ABHD2: variants seen among roughly 807,000 people sequenced by gnomAD.
ABHD2 encodes the protein abhydrolase domain containing 2, acylglycerol lipase.
A neutral mutation model predicts 48.1 loss-of-function variants in ABHD2; 20 were observed. The observed-to-expected ratio is 0.42, with a 90% CI of 0.29 to 0.60. ABHD2 has a LOEUF of 0.60. Among genes scored for constraint, ABHD2 ranks in the 20% least tolerant of loss-of-function variants. ABHD2 has a pLI of 0.24. For synonymous variants in ABHD2, 209 were observed against 214.2 expected (o/e 0.98, Z 0.21); for missense variants, 405 against 550.9 (o/e 0.74, Z 2.65).
chr15:89,152,899 A>G (rs1002741543), intron 4 of ABHD2, among the ~76,000 whole-genome samples: 2 of 152,204 alleles, frequency 1.3e-5, no homozygotes, highest in Non-Finnish European at 2.9e-5. Context: ...ACCAAAAGAG[A>G]ACATGTCTTT....
intron 3 of ABHD2, among the ~76,000 whole-genome samples, chr15:89,122,393 G>T (rs897735409): frequency 2.2e-4 from 33 of 152,188 alleles, no homozygotes; most frequent in African/African-American, 7.7e-4. Flanking sequence ...ATGCCATTCT[G>T]TATCTTGTTT....
chr15:89,058,979 G>T, the ABHD2 span, among the ~76,000 whole-genome samples: 1 of 152,296 alleles, frequency 6.6e-6, no homozygotes, highest in East Asian at 1.9e-4. Flanking sequence ...TGATGGGAAA[G>T]CAGCTCCAGC....
chr15:89,078,086 C>T, the ABHD2 span, among the ~76,000 whole-genome samples: 2 of 152,202 alleles, frequency 1.3e-5, no homozygotes, highest in African/African-American at 4.8e-5. Context: ...TCATCTCTGA[C>T]CCTTCTCTCT....
upstream of ABHD2, among the ~76,000 whole-genome samples, chr15:89,085,209 G>C (rs1305729134): frequency 6.6e-6 from 1 of 151,790 alleles, no homozygotes; most frequent in Admixed American, 6.6e-5. The surrounding 1 kb of genome is among the most constrained non-coding windows in gnomAD (Gnocchi z 4.2). Flanking sequence ...AGGTGACTGG[G>C]GCATACCCTC....
the ABHD2 span, among the ~76,000 whole-genome samples, chr15:89,058,835 C>T: frequency 1.3e-5 from 2 of 151,348 alleles, no homozygotes; most frequent in Non-Finnish European, 3.0e-5. Flanking sequence ...AACAGCAATC[C>T]AACGTTGGAC....
At position 89,182,342 on chromosome 15, in the gene ABHD2, C is replaced by T. The variant is rs971878747; in HGVS notation, c.723-3082C>T. Among the ~76,000 whole-genome samples, 1 of 152,162 alleles carries T rather than the reference C, an allele frequency of 6.6e-6. No individual in the cohort carries two copies. Among genetic ancestry groups the T allele is most frequent in the Non-Finnish European group, 1.5e-5 (1 of 68,034 alleles). ...AGCCATTCCCTCCCTGTAATTCTGCCCGAGCTGCCCCTCCCAGGGTTCCAC... is the reference window on the plus strand; with the variant it reads ...AGCCATTCCCTCCCTGTAATTCTGCTCGAGCTGCCCCTCCCAGGGTTCCAC... On this transcript the variant is annotated intron_variant, in intron 6 of 10. Transcript: ENST00000352732. This position sits in a 1 kb window ranked among gnomAD's most constrained non-coding sequence, Gnocchi z 4.8.
At chr15:89,058,589 G>C in the ABHD2 span, among the ~76,000 whole-genome samples, 1 of 152,054 alleles carries the variant, frequency 6.6e-6, no homozygotes, top group Non-Finnish European at 1.5e-5. Flanking sequence ...CAGGGGATGG[G>C]GACAAGGAGA....
At chr15:89,135,509 T>C in intron 3 of ABHD2, 4 of 1,067,116 alleles carry the variant, frequency 3.7e-6, no homozygotes, top group Non-Finnish European at 5.7e-6. Context: ...TTAAATGCTT[T>C]ATAGACGAGA....
In ABHD2 at chr15:89,116,071, G is replaced by T. The variant is rs973296029; in HGVS notation, c.-6-251G>T. Among the ~76,000 whole-genome samples the T allele has an allele frequency of 6.6e-6, 1 of 152,216 alleles. No homozygotes were observed. Among genetic ancestry groups the T allele is most frequent in the Non-Finnish European group, 1.5e-5 (1 of 68,032 alleles). On this transcript the variant is annotated intron_variant, in intron 2 of 10. Coordinates refer to ENST00000352732, the MANE Select transcript of ABHD2 (RefSeq NM_152924.5). The surrounding 1 kb of genome is among the most constrained non-coding windows in gnomAD (Gnocchi z 4.6). ...TGATTTGCTCATCTTAGAAATGCTT[G>T]TGAAATTATAAAAAGAAAACACAGT...
At chr15:89,062,289 G>A in the ABHD2 span, among the ~76,000 whole-genome samples, 1 of 151,984 alleles carries the variant, frequency 6.6e-6, no homozygotes, top group Non-Finnish European at 1.5e-5. Context: ...GGTTGTTCGG[G>A]CATTCGGGCA....
rs2049925218 is a variant in ABHD2 at position 89,114,497 on chromosome 15, T to G, written c.-7+673T>G. 6.6e-6 allele frequency among the ~76,000 whole-genome samples: 1 copy of G among 152,182 alleles called. No individual in the cohort carries two copies. Among genetic ancestry groups the G allele is most frequent in the Non-Finnish European group, 1.5e-5 (1 of 68,032 alleles). Reference sequence around the variant, plus strand: ...TTTGTTTTGTTTTTTGTTTTTGTTTTTTTGAGACGGCGTTTCGCTCTTGTC... The same window carrying G: ...TTTGTTTTGTTTTTTGTTTTTGTTTGTTTGAGACGGCGTTTCGCTCTTGTC... On this transcript the variant is annotated intron_variant, in intron 2 of 10. Coordinates refer to ENST00000352732, the MANE Select transcript of ABHD2 (RefSeq NM_152924.5). The surrounding 1 kb of genome is among the most constrained non-coding windows in gnomAD (Gnocchi z 4.2).
chr15:89,170,469 T>A (rs186140009), intron 5 of ABHD2, among the ~76,000 whole-genome samples: 1 of 142,380 alleles, frequency 7.0e-6, no homozygotes, highest in East Asian at 2.6e-4. Flanking sequence ...TTAGGTTGTT[T>A]CCAAACCTTT....
intron 3 of ABHD2, among the ~76,000 whole-genome samples, chr15:89,145,647 A>C (rs942774667): frequency 6.6e-6 from 1 of 152,130 alleles, no homozygotes; most frequent in African/African-American, 2.4e-5. Flanking sequence ...AGGGCATACA[A>C]ATTTCCCCTT....
At chr15:89,122,783 A>G (rs2050072213) in intron 3 of ABHD2, among the ~76,000 whole-genome samples, 1 of 152,190 alleles carries the variant, frequency 6.6e-6, no homozygotes, top group South Asian at 2.1e-4. Context: ...GTGGGAAGCC[A>G]GGCTGCTGCT....
chr15:89,057,721 A>C, the ABHD2 span, among the ~76,000 whole-genome samples: 1 of 151,532 alleles, frequency 6.6e-6, no homozygotes, highest in Non-Finnish European at 1.5e-5. Context: ...GGGGCCATCT[A>C]TTGCCACCAT....
rs947724988 is a variant in ABHD2, at chr15:89,186,953, G to A, written c.816-1240G>A. ...TCCTCGTGTCTGGAAGGAGAGCAGAGGGAGACTTATGTCCCCTGTGCTGGC... is the reference window on the plus strand; with the variant it reads ...TCCTCGTGTCTGGAAGGAGAGCAGAAGGAGACTTATGTCCCCTGTGCTGGC... On this transcript the variant is annotated intron_variant, in intron 7 of 10. Coordinates refer to ENST00000352732, the MANE Select transcript of ABHD2 (RefSeq NM_152924.5). The surrounding 1 kb of genome is among the most constrained non-coding windows in gnomAD (Gnocchi z 4.3). 3.9e-5 allele frequency among the ~76,000 whole-genome samples: 6 copies of A among 152,212 alleles called. No individual in the cohort carries two copies. Among genetic ancestry groups the A allele is most frequent in the African/African-American group, 1.4e-4 (6 of 41,448 alleles).
the ABHD2 span, among the ~76,000 whole-genome samples, chr15:89,049,487 C>T: frequency 1.3e-5 from 2 of 152,232 alleles, no homozygotes; most frequent in Non-Finnish European, 2.9e-5. Flanking sequence ...CCTCCCCCAG[C>T]CTCGCTGCCG....
chr15:89,188,310 C>T lies in ABHD2; in HGVS notation c.926+7C>T. 1 of 1,613,676 alleles carries T rather than the reference C, an allele frequency of 6.2e-7. No individual in the cohort carries two copies. Among genetic ancestry groups the T allele is most frequent in the East Asian group, 2.2e-5 (1 of 44,876 alleles). On this transcript the variant is annotated splice_region_variant and intron_variant, in intron 8 of 10. Transcript: ENST00000352732. This position sits in a 1 kb window ranked among gnomAD's most constrained non-coding sequence, Gnocchi z 4.1. ...TTGATGACAATGTGATGAGGTGTGT[C>T]CGCGCAGGCGGGAGAGGGACGCTCT...
chr15:89,140,153 A>G (rs1447755511), intron 3 of ABHD2, among the ~76,000 whole-genome samples: 1 of 152,044 alleles, frequency 6.6e-6, no homozygotes, highest in Non-Finnish European at 1.5e-5. Flanking sequence ...AGCCTGTGTT[A>G]GGAACAGTCA....
Sources: allele counts gnomAD v4.1 joint callset (sites outside exome capture counted in the v4.1 genomes callset), GRCh38; gene constraint gnomAD v4.1.1; non-coding constraint Gnocchi (gnomAD v3.1); transcripts MANE v1.5; gene names NCBI Gene and HGNC (gene_info 2026-07-23, HGNC 2026-07-21).